Variants in ZSWIM5 observed in about 807,000 individuals in gnomAD.
The protein encoded by ZSWIM5 is zinc finger SWIM domain-containing protein 5.
Under a neutral mutation model 119.6 loss-of-function variants are expected in ZSWIM5, and 55 were observed. That is an observed-to-expected ratio of 0.46 (90% confidence interval 0.37 to 0.58). ZSWIM5 has a LOEUF of 0.58. Ranked by LOEUF, ZSWIM5 falls within the 20% of genes least tolerant of loss-of-function variation. The probability of loss-of-function intolerance (pLI) is 0.00; values close to 1 mark genes in which losing one functional copy is unlikely to be tolerated. For missense variants in ZSWIM5, 1,193 were observed against 1,512.8 expected (o/e 0.79, Z 3.51); for synonymous variants, 537 against 606.9 (o/e 0.88, Z 1.69).
intron 1 of ZSWIM5, among the ~76,000 whole-genome samples, chr1:45,108,583 T>C (rs1158154815): frequency 6.6e-6 from 1 of 152,104 alleles, no homozygotes; most frequent in Non-Finnish European, 1.5e-5. Flanking sequence ...AGTTATATTC[T>C]GTGCACTGAA....
chr1:45,193,017 G>A (rs1646101242), intron 1 of ZSWIM5, among the ~76,000 whole-genome samples: 1 of 152,100 alleles, frequency 6.6e-6, no homozygotes, highest in Non-Finnish European at 1.5e-5. Context: ...TGGCTGAGTT[G>A]TAGTTCTTTA....
chr1:45,020,572 A>C (rs1644881706), intron 12 of ZSWIM5, 53 bp downstream of exon 12: 15 of 1,579,332 alleles, frequency 9.5e-6, no homozygotes, highest in African/African-American at 2.7e-5. Flanking sequence ...TCTTCTGCCA[A>C]CTGTCACTAG....
intron 2 of ZSWIM5, among the ~76,000 whole-genome samples, chr1:45,083,463 C>G (rs552378756): frequency 6.6e-6 from 1 of 152,214 alleles, no homozygotes; most frequent in East Asian, 1.9e-4. Context: ...GTTGTTCAGG[C>G]TGTTTTCATC....
In ZSWIM5 at chr1:45,019,006, G is replaced by A; in HGVS notation, c.3006C>T (p.Thr1002=). Residue 1002 remains threonine (T), a synonymous_variant, in exon 14 of 14, where the codon ACC becomes ACT. Coordinates refer to ENST00000359600, the MANE Select transcript of ZSWIM5 (RefSeq NM_020883.2). The surrounding 1 kb of genome is among the most constrained non-coding windows in gnomAD (Gnocchi z 5.0). ...AGGMTHSQLF[T]IARYMELRGY... ...CACGGAGCTCCATGTAGCGGGCGAT[G>A]GTGAACAGCTGTGAATGGGTCATAC... is the stretch of plus-strand genomic sequence containing the variant. 1.9e-6 allele frequency: 3 copies of A among 1,614,190 alleles called. No homozygotes were observed. In the South Asian group the frequency reaches 3.3e-5, roughly 18 times the overall value.
chr1:45,156,259 T>C (rs1247176351), intron 1 of ZSWIM5, among the ~76,000 whole-genome samples: 1 of 151,588 alleles, frequency 6.6e-6, no homozygotes, highest in African/African-American at 2.4e-5. Context: ...GACACAAAGA[T>C]GGCAATATTA....
rs371872676 is a variant in ZSWIM5 at position 45,205,700 on chromosome 1, G to C, written c.595+56C>G. On this transcript the variant is annotated intron_variant, in intron 1 of 13. Transcript: ENST00000359600. ...TCGGCCCCAGGGCTCGGGCCGAGAA[G>C]AGGCACCCGCGGAAGAGGAGGCTGA... 49 of 1,446,804 alleles carry C rather than the reference G, an allele frequency of 3.4e-5. No homozygotes were observed. The East Asian group carries it at 1.0e-3, about 30-fold the overall frequency. 89.6% of individuals were successfully genotyped at this position (1,446,804 alleles called of 1,614,324 possible).
At chr1:45,081,238 G>GCTCCCTCTCCCT (rs72132650) in intron 2 of ZSWIM5, among the ~76,000 whole-genome samples, 9 of 146,266 alleles carry the variant, frequency 6.2e-5, no homozygotes, top group Non-Finnish European at 1.1e-4. Context: ...TCTTTATCTA[G>GCTCCCTCTCCCT]CTCCCTCTCC....
At chr1:45,090,784 A>G (rs1163893806) in intron 1 of ZSWIM5, among the ~76,000 whole-genome samples, 2 of 151,978 alleles carry the variant, frequency 1.3e-5, no homozygotes, top group African/African-American at 4.8e-5. Flanking sequence ...TGATGGTGCC[A>G]CTGCACTCTA....
intron 4 of ZSWIM5, among the ~76,000 whole-genome samples, chr1:45,053,510 C>T (rs1228552477): frequency 2.0e-5 from 3 of 151,836 alleles, no homozygotes; most frequent in African/African-American, 7.3e-5. Flanking sequence ...TCCTGTAATC[C>T]CAGTGCTTTG....
chr1:45,121,231 G>A (rs1292828922), intron 1 of ZSWIM5, among the ~76,000 whole-genome samples: 1 of 152,188 alleles, frequency 6.6e-6, no homozygotes, highest in Non-Finnish European at 1.5e-5. Context: ...GATTACAGGC[G>A]TGAGCCACAG....
At chr1:45,038,516 G>C (rs1363335669) in intron 8 of ZSWIM5, among the ~76,000 whole-genome samples, 1 of 150,394 alleles carries the variant, frequency 6.6e-6, no homozygotes, top group Non-Finnish European at 1.5e-5. Context: ...AACCTCTCAG[G>C]GTGCTCTAGT....
At chr1:45,186,963 T>C (rs1365701451) in intron 1 of ZSWIM5, among the ~76,000 whole-genome samples, 1 of 152,204 alleles carries the variant, frequency 6.6e-6, no homozygotes, top group East Asian at 1.9e-4. Flanking sequence ...TTTAAACCAC[T>C]AAGTTCATGG....
chr1:45,195,883 T>C (rs1203290285), intron 1 of ZSWIM5, among the ~76,000 whole-genome samples: 1 of 151,408 alleles, frequency 6.6e-6, no homozygotes, highest in Non-Finnish European at 1.5e-5. Flanking sequence ...CTTTTTTTTT[T>C]TTTTAGACAG....
At chr1:45,111,464 C>A (rs75777814) in intron 1 of ZSWIM5, among the ~76,000 whole-genome samples, 3,127 of 152,296 alleles carry the variant, frequency 0.021, 115 homozygotes, top group African/African-American at 0.072. Flanking sequence ...GCTGCTGTAA[C>A]AAATTACCAC....
intron 1 of ZSWIM5, among the ~76,000 whole-genome samples, chr1:45,165,108 C>A (rs531064205): frequency 1.7e-4 from 26 of 152,212 alleles, no homozygotes; most frequent in African/African-American, 4.1e-4. Flanking sequence ...GAAATTATAA[C>A]AAACTGTCTC....
At chr1:45,167,176 A>G (rs1261748949) in intron 1 of ZSWIM5, among the ~76,000 whole-genome samples, 1 of 151,980 alleles carries the variant, frequency 6.6e-6, no homozygotes, top group African/African-American at 2.4e-5. Flanking sequence ...CCACACATCT[A>G]CAACCATCTG....
intron 1 of ZSWIM5, among the ~76,000 whole-genome samples, chr1:45,115,346 T>A (rs1645546700): frequency 6.6e-6 from 1 of 150,714 alleles, no homozygotes; most frequent in African/African-American, 2.5e-5. Flanking sequence ...CCAGACGGGG[T>A]GGCTGCCGGG....
At chr1:45,046,658 G>GTA (rs1645056379) in intron 5 of ZSWIM5, among the ~76,000 whole-genome samples, 1 of 151,490 alleles carries the variant, frequency 6.6e-6, no homozygotes, top group African/African-American at 2.4e-5. Context: ...GTGTGTGTGT[G>GTA]TGTGTATACA....
At chr1:45,182,633 A>C (rs1327528605) in intron 1 of ZSWIM5, among the ~76,000 whole-genome samples, 2 of 152,164 alleles carry the variant, frequency 1.3e-5, no homozygotes, top group African/African-American at 4.8e-5. Flanking sequence ...AAACCAACAA[A>C]GATCAAAAGA....
Sources: gnomAD v4.1 joint callset for allele counts (sites outside exome capture counted in the v4.1 genomes callset) on GRCh38, gnomAD v4.1.1 for gene constraint, Gnocchi (gnomAD v3.1) non-coding constraint, MANE v1.5 for transcripts, NCBI Gene and HGNC (gene_info 2026-07-23, HGNC 2026-07-21) for gene names.